The following RTL5 variants were observed in gnomAD, a reference collection of about 807,000 sequenced individuals.
RTL5 encodes the protein retrotransposon Gag-like protein 5.
In RTL5, 8 loss-of-function variants were observed where a neutral mutation model predicts 7.7. That is an observed-to-expected ratio of 1.04 (90% CI 0.61 to 1.88). The LOEUF (loss-of-function observed/expected upper bound fraction) is 1.88. Ranked by LOEUF, RTL5 falls within the 40% of genes most tolerant of loss-of-function variation. RTL5 has a pLI of 0.00. For missense variants in RTL5, 457 were observed against 472.7 expected (o/e 0.97, Z 0.31); for synonymous variants, 188 against 191.8 (o/e 0.98, Z 0.16).
exon 1 of RTL5, chrX:72,130,710 G>A (rs1395550022): frequency 8.3e-7 from 1 of 1,212,029 alleles, no homozygotes; most frequent in Non-Finnish European, 1.1e-6. Flanking sequence ...ACAGGCCTTT[G>A]AGGAATTGGT....
exon 1 of RTL5, chrX:72,131,601 C>G (rs1190222191): frequency 9.2e-7 from 1 of 1,084,634 alleles, no homozygotes; most frequent in Admixed American, 3.2e-5. Flanking sequence ...GAACTACGGG[C>G]GGCCGGAGGA....
chrX:72,130,283 T>A lies in RTL5; in HGVS notation c.1258A>T (p.Ser420Cys), dbSNP rs6624595. Reference sequence around the variant, plus strand: ...TCATCTTCATCTTCTTCATCCTTACTCTCTCCTTCCTCCTCATTCTTGTTC... The same window carrying A: ...TCATCTTCATCTTCTTCATCCTTACACTCTCCTTCCTCCTCATTCTTGTTC... The change falls in exon 1 of 1, where the codon AGT becomes TGT. Residue 420 changes from serine to cysteine, a missense_variant. Coordinates refer to ENST00000609883, the Ensembl canonical transcript of RTL5. 22 of 1,197,154 alleles carry A rather than the reference T, an allele frequency of 1.8e-5. No homozygotes were observed. In the South Asian group the frequency reaches 2.5e-4, roughly 14 times the overall value.
chrX:72,131,024 A>G, exon 1 of RTL5: 2 of 1,210,986 alleles, frequency 1.7e-6, no homozygotes, highest in Non-Finnish European at 2.2e-6. Context: ...TCGGCTATGA[A>G]GGTCTCTAGC....
At chrX:72,127,687 C>T (rs2042240999), downstream of RTL5, 1 of 52,116 alleles carries the variant, frequency 1.9e-5, no homozygotes, top group South Asian at 6.2e-4. Context: ...GGAATGCACT[C>T]TTGAGGAAAT....
chrX:72,130,704 GCC>G lies in RTL5; in HGVS notation c.835_836del (p.Gly279ProfsTer20). The G allele has an allele frequency of 8.3e-7, 1 of 1,212,023 alleles. No homozygotes were observed. The highest frequency in any genetic ancestry group is 2.2e-5 in the Admixed American group (1 of 46,102). ...GCTCTTTGCGGAAGAATTCCGACAGGCCTTTGAGGAATTGGTTTTGGAGGCGG... is the reference window on the plus strand; with the variant it reads ...GCTCTTTGCGGAAGAATTCCGACAGGTTTGAGGAATTGGTTTTGGAGGCGG... On this transcript the variant is annotated frameshift_variant, in exon 1 of 1. Transcript: ENST00000609883. LOFTEE classifies it low-confidence loss of function (END_TRUNC).
In RTL5 at chrX:72,130,989, G is replaced by GC. The variant is rs771034719; in HGVS notation, c.551dup (p.Ala185ArgfsTer39). 8.3e-7 allele frequency: 1 copy of GC among 1,210,827 alleles called. No homozygotes were observed. The highest frequency in any genetic ancestry group is 1.1e-6 in the Non-Finnish European group (1 of 895,089). ...AGATCAGAAAGGCCACCCGCTCGGC[G>GC]CCCCCGGGGAAATGAACCTCATGGT... On this transcript the variant is annotated frameshift_variant, in exon 1 of 1. Transcript: ENST00000609883. LOFTEE classifies it low-confidence loss of function (END_TRUNC).
exon 1 of RTL5, chrX:72,129,643 G>A (rs1303571866): frequency 2.2e-6 from 1 of 448,588 alleles, no homozygotes; most frequent in Non-Finnish European, 3.8e-6. Flanking sequence ...AGGTGGCCCT[G>A]GTTGGGCACA....
In RTL5 at chrX:72,130,112, C is replaced by G. The variant is rs753625204; in HGVS notation, c.1429G>C (p.Ala477Pro). The change falls in exon 1 of 1, where the codon GCG becomes CCG. Residue 477 changes from alanine (A) to proline (P), a missense_variant. Coordinates refer to ENST00000609883, the Ensembl canonical transcript of RTL5. Reference sequence around the variant, plus strand: ...GTGGGGCCAGAAGTCTGGGATGACGCGTGAACAAAGGTCGGCTCCATCTCC... The same window carrying G: ...GTGGGGCCAGAAGTCTGGGATGACGGGTGAACAAAGGTCGGCTCCATCTCC... 53 of 1,208,690 alleles carry G rather than the reference C, an allele frequency of 4.4e-5. 1 individual carries two copies. The Admixed American group carries it at 5.0e-4, about 11-fold the overall frequency.
chrX:72,131,332 T>C, exon 1 of RTL5: 1 of 1,202,857 alleles, frequency 8.3e-7, no homozygotes, highest in Non-Finnish European at 1.1e-6. Context: ...GAGCGCGAAC[T>C]CCAAGTTCTC....
chrX:72,131,589 T>C (rs375396361), exon 1 of RTL5: 1 of 1,111,702 alleles, frequency 9.0e-7, no homozygotes, highest in Middle Eastern at 3.3e-4. Context: ...AAAGGGGAAC[T>C]GGAACTACGG....
At chrX:72,129,571 T>C in exon 1 of RTL5, 1 of 346,670 alleles carries the variant, frequency 2.9e-6, no homozygotes, top group Non-Finnish European at 5.0e-6. Context: ...GCTCTCCAGC[T>C]CGTGGCCGGA....
exon 1 of RTL5, chrX:72,131,015 C>T: frequency 1.1e-5 from 13 of 1,210,862 alleles, no homozygotes; most frequent in Non-Finnish European, 1.5e-5. Flanking sequence ...ACCTCATGGT[C>T]GGCTATGAAG....
At chrX:72,130,698 C>T in exon 1 of RTL5, 2 of 1,211,882 alleles carry the variant, frequency 1.7e-6, no homozygotes, top group Non-Finnish European at 2.2e-6. Flanking sequence ...GGAAGAATTC[C>T]GACAGGCCTT....
chrX:72,130,550 G>A, exon 1 of RTL5: 1 of 1,211,157 alleles, frequency 8.3e-7, no homozygotes, highest in Non-Finnish European at 1.1e-6. Context: ...TTGGGACTCG[G>A]AGCAAAAGGG....
chrX:72,129,445 G>T (rs895069572), exon 1 of RTL5: 3 of 157,457 alleles, frequency 1.9e-5, no homozygotes, highest in Non-Finnish European at 3.7e-5. Context: ...GTCAGTCAGA[G>T]AATAAAACTG....
At chrX:72,129,757 A>G in exon 1 of RTL5, 1 of 986,441 alleles carries the variant, frequency 1.0e-6, no homozygotes. Flanking sequence ...CAAATGGGGC[A>G]GGTATGGCAG....
At chrX:72,128,850 G>T (rs2042253110) in exon 1 of RTL5, 1 of 113,255 alleles carries the variant, frequency 8.8e-6, no homozygotes. Flanking sequence ...GCAGTCCAAG[G>T]CCTGGCAAGG....
At chrX:72,130,543 G>C (rs766751695) in exon 1 of RTL5, 2 of 1,208,628 alleles carry the variant, frequency 1.7e-6, no homozygotes, top group Non-Finnish European at 2.2e-6. Flanking sequence ...TTCCTCATTG[G>C]GACTCGGAGC....
chrX:72,130,621 A>G (rs2042281833), exon 1 of RTL5: 1 of 1,211,334 alleles, frequency 8.3e-7, no homozygotes, highest in Non-Finnish European at 1.1e-6. Flanking sequence ...TTTTCTTTCT[A>G]TCTCCACACA....
Sources: allele counts gnomAD v4.1 joint callset, GRCh38; gene constraint gnomAD v4.1.1; transcripts MANE v1.5; gene names NCBI Gene and HGNC (gene_info 2026-07-23, HGNC 2026-07-21).